The following RBFOX1 variants were observed in gnomAD, a reference collection of about 807,000 sequenced individuals.
RBFOX1 encodes the protein RNA binding fox-1 homolog 1, also known as RNA binding protein fox-1 homolog 1.
RBFOX1 carries 8 observed loss-of-function variants against 57.7 expected under a neutral mutation model. The observed-to-expected ratio is 0.14, with a 90% CI of 0.08 to 0.25. RBFOX1 has a LOEUF of 0.25. Ranked by LOEUF, RBFOX1 falls within the 10% of genes least tolerant of loss-of-function variation. The pLI is 1.00. For synonymous variants in RBFOX1, 326 were observed against 222.4 expected (o/e 1.47, Z -4.15); for missense variants, 611 against 548.5 (o/e 1.11, Z -1.14).
At chr16:7,556,254 G>A (rs34994277) in intron 5 of RBFOX1, among the ~76,000 whole-genome samples, 37,236 of 152,038 alleles carry the variant, frequency 0.24, 5,991 homozygotes, top group Non-Finnish European at 0.36. Context: ...GCCCAGATTC[G>A]AACTTGCATC....
chr16:7,082,191 A>T (rs1057146156), intron 4 of RBFOX1, among the ~76,000 whole-genome samples: 1 of 152,164 alleles, frequency 6.6e-6, no homozygotes, highest in Non-Finnish European at 1.5e-5. Flanking sequence ...AGCTACTGCA[A>T]CATTGAAGAC....
At chr16:6,213,966 C>T (rs918619961) in intron 1 of RBFOX1, among the ~76,000 whole-genome samples, 2 of 152,168 alleles carry the variant, frequency 1.3e-5, no homozygotes, top group African/African-American at 4.8e-5. Context: ...ATCATGAGAA[C>T]CAAAATGGCT....
In RBFOX1 at chr16:7,053,579, C is replaced by G. The variant is rs745392603; in HGVS notation, c.27+1481C>G. On this transcript the variant is annotated intron_variant, in intron 4 of 15. Transcript: ENST00000550418. Reference sequence around the variant, plus strand: ...GAGAATTAAGATAATATTGAAATCTCTATTGCAAATGACACTTGCTTGGCA... The same window carrying G: ...GAGAATTAAGATAATATTGAAATCTGTATTGCAAATGACACTTGCTTGGCA... Among the ~76,000 whole-genome samples, 11 of 152,290 alleles carry G rather than the reference C, an allele frequency of 7.2e-5. No homozygotes were observed. The South Asian group carries it at 2.1e-3, about 29-fold the overall frequency.
chr16:5,597,432 C>G (rs948302172), intron 2 of RBFOX1, among the ~76,000 whole-genome samples: 1 of 128,590 alleles, frequency 7.8e-6, no homozygotes, highest in Non-Finnish European at 1.6e-5. Context: ...GGGTTTTGAT[C>G]TCGTCGCTCA....
intron 5 of RBFOX1, among the ~76,000 whole-genome samples, chr16:7,570,372 C>T (rs1057041432): frequency 6.6e-6 from 1 of 152,118 alleles, no homozygotes; most frequent in African/African-American, 2.4e-5. Context: ...CCCCTCTCCC[C>T]TACTGAGCAC....
At chr16:7,232,658 A>T (rs928139165) in intron 4 of RBFOX1, among the ~76,000 whole-genome samples, 1 of 152,082 alleles carries the variant, frequency 6.6e-6, no homozygotes, top group African/African-American at 2.4e-5. Flanking sequence ...CCTGACCAAC[A>T]TGGAGAAACC....
At chr16:6,026,662 A>C (rs1442589440) in intron 1 of RBFOX1, among the ~76,000 whole-genome samples, 10 of 152,354 alleles carry the variant, frequency 6.6e-5, no homozygotes, top group Non-Finnish European at 1.2e-4. Flanking sequence ...GTTTCTATTT[A>C]TTGCAGTATT....
chr16:5,502,655 G>C (rs1392656972), intron 2 of RBFOX1, among the ~76,000 whole-genome samples: 1 of 152,184 alleles, frequency 6.6e-6, no homozygotes, highest in Non-Finnish European at 1.5e-5. Flanking sequence ...CAGTGGTTAG[G>C]CTGGGAGTCG....
chr16:5,781,923 A>G (rs2054336242), intron 3 of RBFOX1, among the ~76,000 whole-genome samples: 1 of 152,240 alleles, frequency 6.6e-6, no homozygotes, highest in Non-Finnish European at 1.5e-5. Flanking sequence ...GAACAGGAAC[A>G]GGCCAGGCGT....
At chr16:5,509,601 G>A (rs764236727) in intron 2 of RBFOX1, among the ~76,000 whole-genome samples, 5 of 152,196 alleles carry the variant, frequency 3.3e-5, no homozygotes, top group Non-Finnish European at 1.5e-5. Context: ...GAGCAGTGAG[G>A]GGCCCTTGCA....
At chr16:5,535,800 G>T (rs944566760) in intron 2 of RBFOX1, among the ~76,000 whole-genome samples, 3 of 152,166 alleles carry the variant, frequency 2.0e-5, no homozygotes, top group South Asian at 2.1e-4. Context: ...TATGTCACCA[G>T]GTTTCACCAC....
chr16:5,559,983 C>G (rs1386061), intron 2 of RBFOX1, among the ~76,000 whole-genome samples: 107,983 of 152,030 alleles, frequency 0.71, 38,495 homozygotes, highest in South Asian at 0.83. Context: ...GATATTCTAT[C>G]CGTCTCCCTA....
At chr16:6,918,134 A>C (rs2073658123) in intron 3 of RBFOX1, among the ~76,000 whole-genome samples, 1 of 152,114 alleles carries the variant, frequency 6.6e-6, no homozygotes, top group Non-Finnish European at 1.5e-5. Flanking sequence ...CTAAAAATGC[A>C]GAAATTAGCT....
At chr16:6,865,293 G>A (rs1380742917) in intron 3 of RBFOX1, among the ~76,000 whole-genome samples, 2 of 151,984 alleles carry the variant, frequency 1.3e-5, no homozygotes, top group African/African-American at 2.4e-5. Context: ...GTGAGCCACC[G>A]TGCCCGACCT....
intron 3 of RBFOX1, among the ~76,000 whole-genome samples, chr16:6,710,646 C>T (rs1044005573): frequency 1.3e-5 from 2 of 152,216 alleles, no homozygotes; most frequent in Non-Finnish European, 2.9e-5. Flanking sequence ...GAAAAATTGT[C>T]TCAAGTATGG....
intron 4 of RBFOX1, among the ~76,000 whole-genome samples, chr16:7,405,440 C>T (rs376075634): frequency 4.6e-5 from 7 of 152,280 alleles, no homozygotes; most frequent in South Asian, 2.1e-4. Context: ...AGCTGAGCTC[C>T]GGGCGAAGTG....
intron 3 of RBFOX1, among the ~76,000 whole-genome samples, chr16:6,678,921 G>T (rs1450240778): frequency 6.6e-6 from 1 of 152,100 alleles, no homozygotes; most frequent in Non-Finnish European, 1.5e-5. Flanking sequence ...AAGCCATTTG[G>T]GGTGGCACAT....
chr16:7,708,131 G>C (rs1046701624), intron 14 of RBFOX1, among the ~76,000 whole-genome samples: 2 of 152,010 alleles, frequency 1.3e-5, no homozygotes, highest in Non-Finnish European at 2.9e-5. Flanking sequence ...TTGAACCCTG[G>C]AGTTTTGAAC....
chr16:7,044,756 A>C (rs1050577567), intron 3 of RBFOX1, among the ~76,000 whole-genome samples: 4 of 152,210 alleles, frequency 2.6e-5, no homozygotes, highest in Non-Finnish European at 5.9e-5. Flanking sequence ...TAAAGTGTAC[A>C]TTTAAGATAT....
Sources: allele counts gnomAD v4.1 joint callset (sites outside exome capture counted in the v4.1 genomes callset), GRCh38; gene constraint gnomAD v4.1.1; transcripts MANE v1.5; gene names NCBI Gene and HGNC (gene_info 2026-07-23, HGNC 2026-07-21).